CAMK4: variants seen among roughly 807,000 people sequenced by gnomAD.
CAMK4 encodes calcium/calmodulin-dependent protein kinase type IV.
CAMK4 carries 22 observed loss-of-function variants against 44.9 expected under a neutral mutation model. That is an observed-to-expected ratio of 0.49 (90% CI 0.35 to 0.70). CAMK4 has a LOEUF of 0.70. Ranked by LOEUF, CAMK4 falls within the 30% of genes least tolerant of loss-of-function variation. The pLI, the probability that CAMK4 is intolerant of heterozygous loss-of-function variation, is 0.01. For missense variants in CAMK4, 498 were observed against 586.8 expected (o/e 0.85, Z 1.56); for synonymous variants, 218 against 215.4 (o/e 1.01, Z -0.11).
intron 2 of CAMK4, among the ~76,000 whole-genome samples, chr5:111,370,679 G>A (rs1377090172): frequency 6.6e-6 from 1 of 152,120 alleles, no homozygotes; most frequent in African/African-American, 2.4e-5. Context: ...CACTTTGGGA[G>A]GCCGACATGG....
Position 111,487,220 on chromosome 5 carries a change from C to A in CAMK4, c.*2754C>A, listed in dbSNP as rs1460737458. The A allele has an allele frequency of 6.6e-6, 1 of 152,194 alleles. No homozygotes were observed. Among genetic ancestry groups the A allele is most frequent in the Non-Finnish European group, 1.5e-5 (1 of 68,018 alleles). 9.4% of individuals were successfully genotyped at this position (152,194 alleles called of 1,614,324 possible). On this transcript the variant is annotated 3_prime_UTR_variant, in exon 11 of 11. Coordinates refer to ENST00000282356, the MANE Select transcript of CAMK4 (RefSeq NM_001744.6). ...TCACAAAGCAAAAGAATTCAAATTT[C>A]AGCAAACAATAAATTACATTTTACA...
At chr5:111,474,348 C>T (rs2112489296) in intron 8 of CAMK4, among the ~76,000 whole-genome samples, 1 of 152,336 alleles carries the variant, frequency 6.6e-6, no homozygotes, top group Middle Eastern at 3.4e-3. Flanking sequence ...AGAGTGTCAG[C>T]ACAGTCAGCT....
Position 111,494,363 on chromosome 5 carries a change from G to A in CAMK4, c.*9897G>A, listed in dbSNP as rs1011105818. On this transcript the variant is annotated 3_prime_UTR_variant, in exon 11 of 11. Transcript: ENST00000282356. ...GGTGCTATTGACTACTTAATACAAA[G>A]ATATATTACAATATTTTTAGGTAAA... is the stretch of plus-strand genomic sequence containing the variant. The A allele has an allele frequency of 6.6e-6, 1 of 152,074 alleles. No homozygotes were observed. Among genetic ancestry groups the A allele is most frequent in the African/African-American group, 2.4e-5 (1 of 41,398 alleles). 9.4% of individuals were successfully genotyped at this position (152,074 alleles called of 1,614,324 possible).
chr5:111,470,163 G>A (rs1324725066), intron 7 of CAMK4, among the ~76,000 whole-genome samples: 3 of 152,222 alleles, frequency 2.0e-5, no homozygotes, highest in Admixed American at 1.3e-4. Context: ...CCCTTTACAA[G>A]GGAAAGTTCA....
intron 5 of CAMK4, among the ~76,000 whole-genome samples, chr5:111,437,575 A>G (rs1753690297): frequency 6.6e-6 from 1 of 152,240 alleles, no homozygotes; most frequent in African/African-American, 2.4e-5. Flanking sequence ...ATGAGAGGAT[A>G]TAAGAGCTGA....
intron 1 of CAMK4, among the ~76,000 whole-genome samples, chr5:111,333,122 G>T (rs1429216267): frequency 1.3e-5 from 2 of 151,540 alleles, no homozygotes; most frequent in Non-Finnish European, 3.0e-5. Context: ...TTAATATTAA[G>T]CATAATTGAA....
rs750970684 is a variant in CAMK4, at chr5:111,265,082, A to G, written c.161+40438A>G. 2.4e-4 allele frequency among the ~76,000 whole-genome samples: 36 copies of G among 152,008 alleles called. 1 individual carries two copies. Among genetic ancestry groups the G allele is most frequent in the South Asian group, 4.2e-4 (2 of 4,796 alleles). ...TCAGGTAATTATAACTACAGGTATC[A>G]TGTTCATTCGTTTTGCTTGCCCATT... On this transcript the variant is annotated intron_variant, in intron 1 of 10. Coordinates refer to ENST00000282356, the MANE Select transcript of CAMK4 (RefSeq NM_001744.6).
chr5:111,235,164 A>G (rs1748658585), intron 1 of CAMK4, among the ~76,000 whole-genome samples: 1 of 152,242 alleles, frequency 6.6e-6, no homozygotes, highest in Non-Finnish European at 1.5e-5. Flanking sequence ...ACTTTAATTT[A>G]GTAAGCAGCT....
chr5:111,364,534 A>G (rs1750716794), intron 2 of CAMK4, among the ~76,000 whole-genome samples: 1 of 152,140 alleles, frequency 6.6e-6, no homozygotes, highest in South Asian at 2.1e-4. Flanking sequence ...GAATCTAAGA[A>G]TGAAGGGAGA....
At chr5:111,374,811 G>C in intron 2 of CAMK4, 39 bp from the exon 3 acceptor site, 1 of 1,229,706 alleles carries the variant, frequency 8.1e-7, no homozygotes. Flanking sequence ...ATGAAGGGGG[G>C]AGTTTCTTTC....
At chr5:111,248,865 G>A (rs192885651) in intron 1 of CAMK4, among the ~76,000 whole-genome samples, 183 of 152,142 alleles carry the variant, frequency 1.2e-3, no homozygotes, top group East Asian at 8.1e-3. Context: ...CAGGAAAGGC[G>A]TGGAGCATGA....
chr5:111,439,623 T>G (rs1026071200), intron 5 of CAMK4, among the ~76,000 whole-genome samples: 2 of 152,090 alleles, frequency 1.3e-5, no homozygotes, highest in African/African-American at 4.8e-5. Context: ...AACATTCCAA[T>G]GGAATGTAAA....
intron 1 of CAMK4, among the ~76,000 whole-genome samples, chr5:111,256,516 C>G (rs1364403163): frequency 6.6e-6 from 1 of 151,994 alleles, no homozygotes; most frequent in Non-Finnish European, 1.5e-5. Flanking sequence ...TGTAGGACTT[C>G]TTTATACTAG....
intron 4 of CAMK4, among the ~76,000 whole-genome samples, chr5:111,384,902 C>T (rs1395052151): frequency 6.6e-6 from 1 of 152,080 alleles, no homozygotes; most frequent in African/African-American, 2.4e-5. Context: ...AAAAAAAGCC[C>T]ACTTACAATC....
rs1307275175 is a variant in CAMK4 at position 111,414,076 on chromosome 5, A to T, written c.459+19294A>T. On this transcript the variant is annotated intron_variant, in intron 5 of 10. Coordinates refer to ENST00000282356, the MANE Select transcript of CAMK4 (RefSeq NM_001744.6). ...TTCTGAAGCAAATTTGTAACTTTGA[A>T]TAAAAACTGCTCCCAATTTTTACAA... Among the ~76,000 whole-genome samples the T allele has an allele frequency of 6.6e-5, 10 of 152,192 alleles. No individual in the cohort carries two copies. The East Asian group carries it at 1.9e-3, about 29-fold the overall frequency.
intron 5 of CAMK4, among the ~76,000 whole-genome samples, chr5:111,417,965 C>A (rs1449074605): frequency 6.6e-6 from 1 of 151,368 alleles, no homozygotes; most frequent in African/African-American, 2.4e-5. Context: ...TCCATCCATG[C>A]AGTTTTGTGA....
chr5:111,265,674 T>C (rs1192036921), intron 1 of CAMK4: 1 of 152,220 alleles, frequency 6.6e-6, no homozygotes, highest in South Asian at 2.1e-4. Context: ...ATTTAGTAGA[T>C]GAGATAAACT....
chr5:111,433,680 A>AT (rs1753542014), intron 5 of CAMK4, among the ~76,000 whole-genome samples: 1 of 152,180 alleles, frequency 6.6e-6, no homozygotes, highest in Admixed American at 6.5e-5. Context: ...TATAAAATAC[A>AT]TTTTTAAAAA....
chr5:111,452,819 T>C (rs1448294736), intron 7 of CAMK4, among the ~76,000 whole-genome samples: 1 of 152,076 alleles, frequency 6.6e-6, no homozygotes, highest in African/African-American at 2.4e-5. Flanking sequence ...AATTCTACTA[T>C]AGGTAGTGGC....
Sources: gnomAD v4.1 joint callset for allele counts (sites outside exome capture counted in the v4.1 genomes callset) on GRCh38, gnomAD v4.1.1 for gene constraint, MANE v1.5 for transcripts, NCBI Gene and HGNC (gene_info 2026-07-23, HGNC 2026-07-21) for gene names.